The following NELL1 variants were observed in gnomAD, a reference collection of about 807,000 sequenced individuals.
The protein encoded by NELL1 is neural EGFL like 1.
In NELL1, 76 loss-of-function variants were observed where a neutral mutation model predicts 107.4. The observed-to-expected ratio is 0.71, with a 90% CI of 0.59 to 0.86. The LOEUF is 0.86. Ranked by LOEUF, NELL1 falls within the 40% of genes least tolerant of loss-of-function variation. The pLI is 0.00. For synonymous variants in NELL1, 353 were observed against 341.2 expected (o/e 1.03, Z -0.38); for missense variants, 1,024 against 1,005.5 (o/e 1.02, Z -0.25).
Position 21,109,954 on chromosome 11 carries a change from C to T in NELL1, c.1301-3635C>T, listed in dbSNP as rs140253479. Among the ~76,000 whole-genome samples the T allele has an allele frequency of 2.3e-3, 355 of 152,172 alleles. 3 individuals are homozygous for T. The highest frequency in any genetic ancestry group is 8.2e-3 in the African/African-American group (342 of 41,550). ...TCCTTTGGCAAACGTGTTGCCATTC[C>T]ATCCTCTGTTCCCATCCCAAAACCG... On this transcript the variant is annotated intron_variant, in intron 12 of 19. Transcript: ENST00000357134.
intron 13 of NELL1, among the ~76,000 whole-genome samples, chr11:21,202,146 G>A (rs555497088): frequency 6.6e-6 from 1 of 152,324 alleles, no homozygotes; most frequent in Admixed American, 6.5e-5. Flanking sequence ...CTCATAAAAT[G>A]AGTTAGAGAG....
At chr11:20,874,007 C>T (rs1053490456) in intron 4 of NELL1, among the ~76,000 whole-genome samples, 3 of 152,156 alleles carry the variant, frequency 2.0e-5, no homozygotes, top group Admixed American at 2.0e-4. Context: ...TCGAGCAATC[C>T]TCCCTCCTTG....
At position 20,893,974 on chromosome 11, in the gene NELL1, T is replaced by G. The variant is rs191378773; in HGVS notation, c.603+8434T>G. ...ATAATAATAAGCTATTTTAAAGATGTATGTACTGAATAACATAATCTCAAA... is the reference window on the plus strand; with the variant it reads ...ATAATAATAAGCTATTTTAAAGATGGATGTACTGAATAACATAATCTCAAA... On this transcript the variant is annotated intron_variant, in intron 5 of 19. Transcript: ENST00000357134. Among the ~76,000 whole-genome samples, 49 of 152,240 alleles carry G rather than the reference T, an allele frequency of 3.2e-4. No individual in the cohort carries two copies. In the East Asian group the frequency reaches 8.7e-3, roughly 27 times the overall value.
chr11:21,292,473 G>T (rs973074889), intron 14 of NELL1, among the ~76,000 whole-genome samples: 2 of 152,120 alleles, frequency 1.3e-5, no homozygotes, highest in Non-Finnish European at 2.9e-5. Flanking sequence ...TGGATAGGAA[G>T]AATCAGTATC....
intron 3 of NELL1, among the ~76,000 whole-genome samples, chr11:20,829,357 G>A (rs1356829566): frequency 1.3e-5 from 2 of 151,488 alleles, no homozygotes; most frequent in African/African-American, 2.4e-5. Context: ...CTCCTGAGTA[G>A]CTGAGATTAC....
intron 12 of NELL1, among the ~76,000 whole-genome samples, chr11:20,994,409 A>G (rs538779092): frequency 1.4e-4 from 22 of 152,364 alleles, no homozygotes; most frequent in South Asian, 1.2e-3. Context: ...CTGGCTCACA[A>G]TAGCATGCCA....
chr11:20,939,360 C>T (rs1369191657), intron 10 of NELL1, among the ~76,000 whole-genome samples: 1 of 151,526 alleles, frequency 6.6e-6, no homozygotes, highest in Non-Finnish European at 1.5e-5. Context: ...GAAGGCCAGA[C>T]CAGGCTTGAT....
At chr11:20,771,860 A>G (rs1223127489) in intron 2 of NELL1, among the ~76,000 whole-genome samples, 1 of 152,236 alleles carries the variant, frequency 6.6e-6, no homozygotes, top group East Asian at 1.9e-4. Context: ...TTTAATGAAA[A>G]CCCATTAAAC....
chr11:21,049,624 T>C (rs1438042546), intron 12 of NELL1, among the ~76,000 whole-genome samples: 1 of 152,162 alleles, frequency 6.6e-6, no homozygotes, highest in African/African-American at 2.4e-5. Context: ...CCAGGGCCAC[T>C]GCCATAGGGT....
intron 3 of NELL1, among the ~76,000 whole-genome samples, chr11:20,791,778 G>A (rs1340021642): frequency 1.4e-5 from 2 of 146,130 alleles, no homozygotes; most frequent in African/African-American, 5.0e-5. Flanking sequence ...TCATATTGGA[G>A]AAGTCTCTTT....
At chr11:21,141,322 C>T (rs145906926) in intron 13 of NELL1, among the ~76,000 whole-genome samples, 1 of 152,310 alleles carries the variant, frequency 6.6e-6, no homozygotes, top group African/African-American at 2.4e-5. Flanking sequence ...AAGCAAGCCA[C>T]CTTCCCTCAG....
At chr11:21,461,567 T>C (rs1452118839) in intron 15 of NELL1, among the ~76,000 whole-genome samples, 1 of 152,250 alleles carries the variant, frequency 6.6e-6, no homozygotes, top group South Asian at 2.1e-4. Context: ...AGCTGATTTT[T>C]ATTAAGTGCT....
Position 20,720,924 on chromosome 11 carries a change from C to G in NELL1, c.184+42864C>G, listed in dbSNP as rs572962616. Among the ~76,000 whole-genome samples, 4 of 152,160 alleles carry G rather than the reference C, an allele frequency of 2.6e-5. No homozygotes were observed. The South Asian group carries it at 8.3e-4, about 32-fold the overall frequency. ...TTCAACATATGAATTTTTGGGGGGA[C>G]ACAGTTCAGTGCATAACACATCTTT... is the stretch of plus-strand genomic sequence containing the variant. On this transcript the variant is annotated intron_variant, in intron 2 of 19. Transcript: ENST00000357134.
At chr11:21,391,467 T>A (rs73457937) in intron 15 of NELL1, among the ~76,000 whole-genome samples, 5,890 of 151,874 alleles carry the variant, frequency 0.039, 168 homozygotes, top group African/African-American at 0.074. Context: ...CTCTTATTAT[T>A]TGGGTGTCAA....
chr11:20,922,091 A>G (rs1850391477), intron 7 of NELL1, among the ~76,000 whole-genome samples: 1 of 151,964 alleles, frequency 6.6e-6, no homozygotes, highest in South Asian at 2.1e-4. Context: ...GTTCACTCTA[A>G]CACTGAGGGT....
chr11:21,058,167 G>C (rs369255192), intron 12 of NELL1, among the ~76,000 whole-genome samples: 5 of 152,150 alleles, frequency 3.3e-5, no homozygotes, highest in African/African-American at 1.2e-4. Flanking sequence ...ATGGGACCAT[G>C]GAAGGCATAT....
At chr11:20,930,842 C>T (rs948957566) in intron 9 of NELL1, among the ~76,000 whole-genome samples, 1 of 148,078 alleles carries the variant, frequency 6.8e-6, no homozygotes, top group African/African-American at 2.5e-5. Flanking sequence ...GAATTCATAG[C>T]AATTTAGTTA....
chr11:21,560,164 A>G, intron 16 of NELL1, 25 bp from the exon 17 acceptor site: 1 of 1,610,308 alleles, frequency 6.2e-7, no homozygotes, highest in Non-Finnish European at 8.5e-7. Context: ...CTAGATTCTA[A>G]GCTTCTGTGC....
intron 13 of NELL1, among the ~76,000 whole-genome samples, chr11:21,169,219 G>C (rs1432702846): frequency 6.6e-6 from 1 of 151,872 alleles, no homozygotes; most frequent in African/African-American, 2.4e-5. Context: ...TTGTTTGTAG[G>C]TATATGTTTA....
Sources: allele counts gnomAD v4.1 joint callset (sites outside exome capture counted in the v4.1 genomes callset), GRCh38; gene constraint gnomAD v4.1.1; transcripts MANE v1.5; gene names NCBI Gene and HGNC (gene_info 2026-07-23, HGNC 2026-07-21).